The following FES variants were observed in gnomAD, a reference collection of about 807,000 sequenced individuals.
FES encodes tyrosine-protein kinase Fes/Fps.
In FES, 83 loss-of-function variants were observed where a neutral mutation model predicts 109.6. That is an observed-to-expected ratio of 0.76 (90% CI 0.63 to 0.91). The LOEUF is 0.91. Ranked by LOEUF, FES falls within the 40% of genes least tolerant of loss-of-function variation. The pLI is 0.00. For synonymous variants in FES, 458 were observed against 442.1 expected (o/e 1.04, Z -0.45); for missense variants, 943 against 1,070.9 (o/e 0.88, Z 1.67).
chr15:90,885,637 C>G lies in FES; in HGVS notation c.387+52C>G, dbSNP rs149479943. ...TCATTTCTGTCTAAATTTTGAGCCT[C>G]GAAGGGGTTGTTTTGCACAAGAGGC... On this transcript the variant is annotated intron_variant, in intron 3 of 18. Transcript: ENST00000328850. 2.2e-5 allele frequency: 35 copies of G among 1,579,136 alleles called. No homozygotes were observed. The Middle Eastern group carries it at 5.1e-4, about 23-fold the overall frequency.
At chr15:90,891,524 G>T (rs2033214095) in intron 11 of FES, 30 bp from the exon 12 acceptor site, 5 of 1,612,632 alleles carry the variant, frequency 3.1e-6, no homozygotes, top group Non-Finnish European at 4.2e-6. Flanking sequence ...CAGAATGGAG[G>T]CTGCTGACCC....
chr15:90,895,300 C>T, intron 18 of FES, 116 bp from the exon 19 acceptor site: 1 of 874,324 alleles, frequency 1.1e-6, no homozygotes, highest in Non-Finnish European at 1.6e-6. Context: ...GAGAACAGTG[C>T]ATCCTTCAGA....
chr15:90,890,898 G>C (rs747145494), intron 10 of FES, 84 bp from the exon 11 acceptor site: 74 of 1,333,446 alleles, frequency 5.5e-5, no homozygotes, highest in East Asian at 1.8e-4. Context: ...GGGCATATAG[G>C]GGGGAGAGAG....
At chr15:90,890,961 C>A in intron 10 of FES, 21 bp from the exon 11 acceptor site, 2 of 1,560,222 alleles carry the variant, frequency 1.3e-6, no homozygotes, top group East Asian at 2.4e-5. Flanking sequence ...AGTGACTCCT[C>A]CTCGATCCTC....
chr15:90,893,869 C>T (rs767687902), intron 17 of FES, 58 bp downstream of exon 17: 151 of 1,606,166 alleles, frequency 9.4e-5, no homozygotes, highest in East Asian at 1.3e-4. Context: ...TGGGTCCTGC[C>T]GGCTGCCTCG....
chr15:90,886,042 C>T (rs1360453166), intron 3 of FES, among the ~76,000 whole-genome samples: 1 of 152,210 alleles, frequency 6.6e-6, no homozygotes, highest in Non-Finnish European at 1.5e-5. Flanking sequence ...AGGTTTGAAT[C>T]CCACCCAGCT....
At chr15:90,887,660 C>T (rs1385370479) in intron 5 of FES, among the ~76,000 whole-genome samples, 1 of 152,070 alleles carries the variant, frequency 6.6e-6, no homozygotes, top group South Asian at 2.1e-4. Context: ...AGGGATCTTT[C>T]GTGTTAGTGG....
rs1044029006 is a variant in FES at position 90,891,651 on chromosome 15, T to C, written c.1628T>C (p.Val543Ala). Residue 543 changes from valine to alanine, a missense_variant, in exon 12 of 19, where the codon GTT (valine) becomes GCT (alanine). Coordinates refer to ENST00000328850, the MANE Select transcript of FES (RefSeq NM_002005.4). ...TQQPLTKKSG[V>A]VLHRAVPKDK... ...CAGCCCCTCACCAAGAAGAGTGGTG[T>C]TGTCCTGCACAGGGCTGTGCCCAAG... The C allele has an allele frequency of 4.3e-6, 7 of 1,613,730 alleles. No individual in the cohort carries two copies. The African/African-American group carries it at 9.3e-5, about 22-fold the overall frequency.
intron 18 of FES, among the ~76,000 whole-genome samples, chr15:90,894,286 CAA>C (rs1286627747): frequency 6.6e-6 from 1 of 151,864 alleles, no homozygotes; most frequent in African/African-American, 2.4e-5. Context: ...TCCATCTGTA[CAA>C]AAAATACAAA....
intron 10 of FES, 121 bp from the exon 11 acceptor site, chr15:90,890,861 A>G: frequency 9.9e-7 from 1 of 1,005,378 alleles, no homozygotes; most frequent in Non-Finnish European, 1.5e-6. Context: ...ATGGCTCTGC[A>G]TGCCACTCCA....
chr15:90,887,100 G>T (rs1230802228), intron 4 of FES, 43 bp downstream of exon 4: 2 of 1,613,684 alleles, frequency 1.2e-6, no homozygotes, highest in Non-Finnish European at 1.7e-6. Context: ...TCCGAAGCCA[G>T]TGCTGACCTG....
Position 90,889,732 on chromosome 15 carries a change from G to C in FES, c.926+96G>C. 6.2e-7 allele frequency: 1 copy of C among 1,603,506 alleles called. No homozygotes were observed. The highest frequency in any genetic ancestry group is 8.5e-7 in the Non-Finnish European group (1 of 1,175,284). On this transcript the variant is annotated intron_variant, in intron 7 of 18. Coordinates refer to ENST00000328850, the MANE Select transcript of FES (RefSeq NM_002005.4). This position sits in a 1 kb window ranked among gnomAD's most constrained non-coding sequence, Gnocchi z 6.1. ...CTAGGTCGTGGAGACTGTCCACACAGAGCTGTCACCAGGTGGCCGGGCTTG... is the reference window on the plus strand; with the variant it reads ...CTAGGTCGTGGAGACTGTCCACACACAGCTGTCACCAGGTGGCCGGGCTTG...
At chr15:90,888,539 G>A (rs917068112) in intron 5 of FES, among the ~76,000 whole-genome samples, 48 of 151,368 alleles carry the variant, frequency 3.2e-4, no homozygotes, top group Non-Finnish European at 6.9e-4. Context: ...CCACTAGGAC[G>A]GGGAGGTAGC....
chr15:90,887,479 A>G, intron 5 of FES, 109 bp downstream of exon 5: 1 of 1,181,314 alleles, frequency 8.5e-7, no homozygotes, highest in South Asian at 1.6e-5. Flanking sequence ...GGTGCTGGCC[A>G]TGTAACCACA....
Position 90,887,005 on chromosome 15 carries a change from T to A in FES, c.432T>A (p.Ala144=). The change falls in exon 4 of 19, where the codon GCT becomes GCA. Residue 144 remains alanine, a synonymous_variant. Coordinates refer to ENST00000328850, the MANE Select transcript of FES (RefSeq NM_002005.4). ...DIEKLKSQYR[A]LARDSAQAKR... ...AGAAGCTGAAGAGCCAGTACCGAGC[T>A]CTGGCACGGGACAGTGCCCAAGCCA... The A allele has an allele frequency of 6.2e-7, 1 of 1,614,110 alleles. No individual in the cohort carries two copies. Among genetic ancestry groups the A allele is most frequent in the Non-Finnish European group, 8.5e-7 (1 of 1,180,028 alleles).
At chr15:90,887,835 C>T (rs1273785431) in intron 5 of FES, among the ~76,000 whole-genome samples, 4 of 152,068 alleles carry the variant, frequency 2.6e-5, no homozygotes, top group East Asian at 1.9e-4. Flanking sequence ...GAGAGGGGTA[C>T]GGGAGTGAAT....
At chr15:90,890,325 C>G (rs905679236) in intron 9 of FES, 47 bp downstream of exon 9, 1 of 1,590,496 alleles carries the variant, frequency 6.3e-7, no homozygotes, top group South Asian at 1.1e-5. Context: ...GCCTGCCCAC[C>G]TGGGGCTGCG....
Position 90,893,685 on chromosome 15 carries a change from G to A in FES, c.2077G>A (p.Glu693Lys). The change falls in exon 17 of 19, where the codon GAG (glutamate) becomes AAG (lysine). Residue 693 changes from glutamate to lysine, a missense_variant. Glu to Lys is a moderately conservative substitution (Grantham distance 56). Coordinates refer to ENST00000328850, the MANE Select transcript of FES (RefSeq NM_002005.4). ...DLAARNCLVT[E>K]KNVLKISDFG... Reference sequence around the variant, plus strand: ...GGCTGCTCGGAACTGCCTGGTGACAGAGAAGAATGTCCTGAAGATCAGTGA... The same window carrying A: ...GGCTGCTCGGAACTGCCTGGTGACAAAGAAGAATGTCCTGAAGATCAGTGA... 6.2e-7 allele frequency: 1 copy of A among 1,607,978 alleles called. No individual in the cohort carries two copies.
rs996371153 is a variant in FES, at chr15:90,893,284, C to T, written c.1922-7C>T. 1.5e-5 allele frequency: 24 copies of T among 1,605,486 alleles called. No individual in the cohort carries two copies. Among genetic ancestry groups the T allele is most frequent in the Admixed American group, 3.4e-5 (2 of 59,650 alleles). On this transcript the variant is annotated splice_region_variant and splice_polypyrimidine_tract_variant and intron_variant, in intron 15 of 18. Coordinates refer to ENST00000328850, the MANE Select transcript of FES (RefSeq NM_002005.4). ...GGAGGCTCAGCAGGGGTCCTCCCCA[C>T]CTGCAGGGGGCGACTTCCTGACCTT...
Sources: allele counts gnomAD v4.1 joint callset (sites outside exome capture counted in the v4.1 genomes callset), GRCh38; gene constraint gnomAD v4.1.1; non-coding constraint Gnocchi (gnomAD v3.1); transcripts MANE v1.5; gene names NCBI Gene and HGNC (gene_info 2026-07-23, HGNC 2026-07-21).